The following OTUD4 variants were observed in gnomAD, a reference collection of about 807,000 sequenced individuals.
The protein encoded by OTUD4 is OTU domain-containing protein 4.
In OTUD4, 24 loss-of-function variants were observed where a neutral mutation model predicts 130.4. The observed-to-expected ratio is 0.18, with a 90% CI of 0.13 to 0.26. The LOEUF is 0.26. Ranked by LOEUF, OTUD4 falls within the 10% of genes least tolerant of loss-of-function variation. The probability of loss-of-function intolerance (pLI) is 1.00; values close to 1 mark genes in which losing one functional copy is unlikely to be tolerated. For missense variants in OTUD4, 1,031 were observed against 1,329.4 expected, an observed-to-expected ratio of 0.78 and a Z score of 3.49; for synonymous variants, 420 against 472.5, an observed-to-expected ratio of 0.89 and a Z score of 1.44.
rs1303884212 is a variant in OTUD4 at position 145,159,959 on chromosome 4, TTAC to T, written c.497-327_497-325del. ...CCAAAACACACACACTGAGCAATTATTACTACTACATTCCACACACTGTGCAGC... is the reference window on the plus strand; with the variant it reads ...CCAAAACACACACACTGAGCAATTATTACTACATTCCACACACTGTGCAGC... On this transcript the variant is annotated intron_variant, in intron 6 of 20. Coordinates refer to ENST00000447906, the MANE Select transcript of OTUD4 (RefSeq NM_001366057.1). 9.2e-5 allele frequency among the ~76,000 whole-genome samples: 14 copies of T among 152,326 alleles called. 1 individual carries two copies. The highest frequency in any genetic ancestry group is 3.4e-4 in the African/African-American group (14 of 41,562).
At chr4:145,155,016 G>A (rs1269085590) in intron 10 of OTUD4, among the ~76,000 whole-genome samples, 1 of 152,120 alleles carries the variant, frequency 6.6e-6, no homozygotes. Flanking sequence ...AGTAAATATT[G>A]TGTACGTATC....
At position 145,141,455 on chromosome 4, in the gene OTUD4, A is replaced by C; in HGVS notation, c.2007T>G (p.Phe669Leu). 6.2e-7 allele frequency: 1 copy of C among 1,613,692 alleles called. No individual in the cohort carries two copies. The change falls in exon 19 of 21, where the codon TTT (phenylalanine) becomes TTG (leucine). Residue 669 changes from phenylalanine to leucine, a missense_variant. Coordinates refer to ENST00000447906, the MANE Select transcript of OTUD4 (RefSeq NM_001366057.1). ...SLYQDPLYPG[F>L]PCNEKGDRAI... is the part of the protein sequence containing the mutation. ...CTCGATCTCCCTTTTCATTACAAGG[A>C]AACCCAGGATAGAGTGGGTCTTGAT...
chr4:145,162,275 C>T (rs1751611469), intron 6 of OTUD4, among the ~76,000 whole-genome samples: 1 of 152,118 alleles, frequency 6.6e-6, no homozygotes, highest in Non-Finnish European at 1.5e-5. Context: ...TGTATAAGGC[C>T]GGGCACGGTA....
chr4:145,172,458 CATT>C (rs1286345587), intron 2 of OTUD4, among the ~76,000 whole-genome samples: 2 of 152,214 alleles, frequency 1.3e-5, no homozygotes, highest in Non-Finnish European at 2.9e-5. Flanking sequence ...TTCATCGCTT[CATT>C]GTTACTTTGA....
Position 145,141,361 on chromosome 4 carries a change from C to T in OTUD4, c.2083+18G>A. On this transcript the variant is annotated intron_variant, in intron 19 of 20. Transcript: ENST00000447906. ...TTGGACTTGATAAAGTCGATTTGAA[C>T]TTGGAGAAGGAGCTCACCTTTAGGT... is the stretch of plus-strand genomic sequence containing the variant. 1.3e-6 allele frequency: 2 copies of T among 1,559,796 alleles called. No individual in the cohort carries two copies. Among genetic ancestry groups the T allele is most frequent in the Non-Finnish European group, 1.7e-6 (2 of 1,153,560 alleles).
At chr4:145,156,942 C>A (rs1166270238) in intron 7 of OTUD4, among the ~76,000 whole-genome samples, 2 of 152,088 alleles carry the variant, frequency 1.3e-5, no homozygotes, top group Non-Finnish European at 2.9e-5. Context: ...GGATGTGACA[C>A]CCAAGTATAC....
intron 13 of OTUD4, among the ~76,000 whole-genome samples, chr4:145,149,056 A>T (rs1750949420): frequency 6.6e-6 from 1 of 152,200 alleles, no homozygotes. Flanking sequence ...AATCTCTAGT[A>T]CCTGTGCACA....
In OTUD4 at chr4:145,136,846, CATT is replaced by C. The variant is rs1750298348; in HGVS notation, c.*581_*583del. ...CCTTATGTGAATATTAAAGAGAAGACATTATTCAAGTTTGACAGATATTGAGAT... is the reference window on the plus strand; with the variant it reads ...CCTTATGTGAATATTAAAGAGAAGACATTCAAGTTTGACAGATATTGAGAT... On this transcript the variant is annotated 3_prime_UTR_variant, in exon 21 of 21. Transcript: ENST00000447906. 6.6e-6 allele frequency: 1 copy of C among 152,612 alleles called. No individual in the cohort carries two copies. Among genetic ancestry groups the C allele is most frequent in the Non-Finnish European group, 1.5e-5 (1 of 68,060 alleles). The allele number at this position is 152,612 out of a possible 1,614,324, so 9.5% of individuals were successfully genotyped here. A position where few individuals can be genotyped will look rare whatever the true frequency, so the allele number is the denominator to read the frequency against.
At position 145,144,000 on chromosome 4, in the gene OTUD4, G is replaced by A; in HGVS notation, c.1548C>T (p.Asp516=). The change falls in exon 16 of 21, where the codon GAC becomes GAT. Residue 516 remains aspartate, a splice_region_variant and synonymous_variant. Coordinates refer to ENST00000447906, the MANE Select transcript of OTUD4 (RefSeq NM_001366057.1). ...CCAACTGACTATGTCCATGAATAGAGTCTATAGCAGATCAAGATTAAAAAA... is the reference window on the plus strand; with the variant it reads ...CCAACTGACTATGTCCATGAATAGAATCTATAGCAGATCAAGATTAAAAAA... ...RMDTEERKDK[D]SIHGHSQLDK... is the part of the protein sequence containing the mutation. 1.2e-6 allele frequency: 2 copies of A among 1,610,250 alleles called. No individual in the cohort carries two copies. Among genetic ancestry groups the A allele is most frequent in the Non-Finnish European group, 1.7e-6 (2 of 1,176,904 alleles).
At chr4:145,154,989 T>C (rs1005082663) in intron 10 of OTUD4, among the ~76,000 whole-genome samples, 9 of 152,254 alleles carry the variant, frequency 5.9e-5, no homozygotes, top group Non-Finnish European at 1.3e-4. Context: ...TGGCTCACTT[T>C]CTTTCCTCAG....
chr4:145,156,535 T>A (rs952158414), intron 7 of OTUD4, among the ~76,000 whole-genome samples: 2 of 151,836 alleles, frequency 1.3e-5, no homozygotes, highest in Non-Finnish European at 2.9e-5. Context: ...AATACAAAAT[T>A]AGCTGGGCGT....
chr4:145,155,796 G>T, intron 8 of OTUD4, 110 bp from the exon 9 acceptor site: 1 of 994,578 alleles, frequency 1.0e-6, no homozygotes, highest in Non-Finnish European at 1.5e-6. Flanking sequence ...CAAAAAATTA[G>T]GAAGCCACCA....
chr4:145,174,560 C>T (rs1752332554), intron 2 of OTUD4, 101 bp downstream of exon 2: 4 of 675,906 alleles, frequency 5.9e-6, no homozygotes, highest in African/African-American at 3.6e-5. Context: ...TTTCATAACC[C>T]GCATTAAGAT....
chr4:145,147,228 G>A (rs1750866119), intron 13 of OTUD4, among the ~76,000 whole-genome samples: 1 of 152,082 alleles, frequency 6.6e-6, no homozygotes, highest in Non-Finnish European at 1.5e-5. Flanking sequence ...TCCTCCTCGA[G>A]TAGAGCACTA....
intron 7 of OTUD4, among the ~76,000 whole-genome samples, chr4:145,157,307 T>C (rs149583388): frequency 6.6e-6 from 1 of 152,302 alleles, no homozygotes; most frequent in East Asian, 1.9e-4. Flanking sequence ...TCCCCAAGTA[T>C]CAAGGGCAAG....
chr4:145,169,189 T>C (rs1382319673), intron 3 of OTUD4, among the ~76,000 whole-genome samples: 5 of 152,204 alleles, frequency 3.3e-5, no homozygotes, highest in Admixed American at 2.6e-4. Flanking sequence ...GAGATGGAAA[T>C]GTCCTTTATG....
intron 1 of OTUD4, chr4:145,178,588 A>G (rs1487342291): frequency 6.6e-6 from 1 of 152,234 alleles, no homozygotes; most frequent in Admixed American, 6.5e-5. Flanking sequence ...TGAGAAACGG[A>G]CAGAGCCTGG....
At chr4:145,163,076 A>G (rs997822713) in intron 5 of OTUD4, among the ~76,000 whole-genome samples, 8 of 152,252 alleles carry the variant, frequency 5.3e-5, no homozygotes, top group African/African-American at 1.9e-4. Flanking sequence ...TTTTCTAACA[A>G]GCAAAATCAA....
At chr4:145,141,095 G>C (rs570382600) in intron 19 of OTUD4, among the ~76,000 whole-genome samples, 56 of 149,794 alleles carry the variant, frequency 3.7e-4, no homozygotes, top group African/African-American at 1.2e-3. Flanking sequence ...TTTGAATCTG[G>C]GAGGTGGAGG....
Sources: allele counts gnomAD v4.1 joint callset (sites outside exome capture counted in the v4.1 genomes callset), GRCh38; gene constraint gnomAD v4.1.1; transcripts MANE v1.5; gene names NCBI Gene and HGNC (gene_info 2026-07-23, HGNC 2026-07-21).